The following MGAT4C variants were observed in gnomAD, a reference collection of about 807,000 sequenced individuals.
MGAT4C encodes the protein alpha-1,3-mannosyl-glycoprotein 4-beta-N-acetylglucosaminyltransferase C.
Under a neutral mutation model 40.1 loss-of-function variants are expected in MGAT4C, and 19 were observed. That is an observed-to-expected ratio of 0.47 (90% CI 0.33 to 0.70). The LOEUF (loss-of-function observed/expected upper bound fraction) is 0.70, where lower values mean the gene tolerates loss of function less well. Ranked by LOEUF, MGAT4C falls within the 30% of genes least tolerant of loss-of-function variation. The probability of loss-of-function intolerance (pLI) is 0.02; values close to 1 mark genes in which losing one functional copy is unlikely to be tolerated. For missense variants in MGAT4C, 491 were observed against 563.2 expected (o/e 0.87, Z 1.30); for synonymous variants, 181 against 187.1 (o/e 0.97, Z 0.27).
intron 2 of MGAT4C, among the ~76,000 whole-genome samples, chr12:86,454,973 A>G (rs1041015949): frequency 2.6e-5 from 4 of 152,082 alleles, no homozygotes; most frequent in African/African-American, 9.7e-5. Flanking sequence ...TAATAATGCA[A>G]AGAGGCTGGT....
rs577819842 is a variant in MGAT4C at position 86,768,712 on chromosome 12, C to T, written c.-261-41471G>A. Among the ~76,000 whole-genome samples, 10 of 152,112 alleles carry T rather than the reference C, an allele frequency of 6.6e-5. No individual in the cohort carries two copies. The South Asian group carries it at 8.3e-4, about 13-fold the overall frequency. On this transcript the variant is annotated intron_variant, in intron 1 of 7. Coordinates refer to the MGAT4C transcript ENST00000548651. Reference sequence around the variant, plus strand: ...AGAATAGAGCCCTCAGAAATAACGCCGCATATCTACAACTATCTGATCTTT... The same window carrying T: ...AGAATAGAGCCCTCAGAAATAACGCTGCATATCTACAACTATCTGATCTTT...
intron 1 of MGAT4C, among the ~76,000 whole-genome samples, chr12:86,203,973 G>A (rs376235818): frequency 1.8e-4 from 22 of 123,992 alleles, no homozygotes; most frequent in East Asian, 8.2e-4. Flanking sequence ...AAAAAAAAAA[G>A]AAATATATAT....
chr12:86,302,836 A>G (rs1234439529), intron 4 of MGAT4C, among the ~76,000 whole-genome samples: 1 of 150,682 alleles, frequency 6.6e-6, no homozygotes, highest in Non-Finnish European at 1.5e-5. Context: ...TCGACCAATG[A>G]TTTCAACAGT....
rs372994646 is a variant in MGAT4C, at chr12:86,551,377, T to C, written c.-228-116112A>G. 3.9e-5 allele frequency among the ~76,000 whole-genome samples: 6 copies of C among 151,914 alleles called. No homozygotes were observed. In the South Asian group the frequency reaches 1.2e-3, roughly 32 times the overall value. On this transcript the variant is annotated intron_variant, in intron 2 of 7. Transcript: ENST00000548651. ...GCCTTAGAAACAGCCCTGTGGACTG[T>C]TCCCAGCTGACTTATCTCCAGGCCA...
intron 2 of MGAT4C, among the ~76,000 whole-genome samples, chr12:86,444,453 T>G (rs1277133897): frequency 6.6e-6 from 1 of 152,200 alleles, no homozygotes; most frequent in Non-Finnish European, 1.5e-5. Flanking sequence ...ACTACCAAAT[T>G]TAGGTCTGCA....
intron 1 of MGAT4C, among the ~76,000 whole-genome samples, chr12:86,784,695 T>C (rs1300284342): frequency 6.7e-6 from 1 of 149,396 alleles, no homozygotes; most frequent in East Asian, 2.0e-4. Flanking sequence ...CTAGATTAGC[T>C]GGAACAAAGA....
chr12:86,040,738 CA>C (rs80109444), intron 2 of MGAT4C, among the ~76,000 whole-genome samples: 64,405 of 149,222 alleles, frequency 0.43, 14,322 homozygotes, highest in African/African-American at 0.48. Flanking sequence ...AACAAACAAA[CA>C]AAAAAAAAAC....
At chr12:86,391,172 A>T (rs1956154337) in intron 3 of MGAT4C, among the ~76,000 whole-genome samples, 1 of 152,214 alleles carries the variant, frequency 6.6e-6, no homozygotes, top group Admixed American at 6.5e-5. Flanking sequence ...CTTTTGGATG[A>T]TAGGAAAGGC....
chr12:86,259,254 T>C (rs1482573594), upstream of MGAT4C, among the ~76,000 whole-genome samples: 1 of 152,062 alleles, frequency 6.6e-6, no homozygotes, highest in African/African-American at 2.4e-5. Context: ...CAGTAATTTA[T>C]TTTCAGAATG....
At chr12:86,324,005 A>G (rs1401433614) in intron 4 of MGAT4C, among the ~76,000 whole-genome samples, 1 of 152,006 alleles carries the variant, frequency 6.6e-6, no homozygotes, top group Non-Finnish European at 1.5e-5. Flanking sequence ...GAAAACTGGA[A>G]GTAAAAATGA....
At chr12:86,786,205 G>A (rs760740028) in intron 1 of MGAT4C, among the ~76,000 whole-genome samples, 4 of 152,164 alleles carry the variant, frequency 2.6e-5, no homozygotes, top group Middle Eastern at 3.4e-3. Flanking sequence ...ATGCAATGTC[G>A]TAGATACTAT....
chr12:86,767,140 A>C (rs1207823914), intron 1 of MGAT4C, among the ~76,000 whole-genome samples: 2 of 152,312 alleles, frequency 1.3e-5, no homozygotes, highest in East Asian at 1.9e-4. Flanking sequence ...ATAAAGAAAA[A>C]AAGAAGAATC....
chr12:86,440,010 G>C (rs1051643986), intron 2 of MGAT4C, among the ~76,000 whole-genome samples: 1 of 151,776 alleles, frequency 6.6e-6, no homozygotes, highest in Non-Finnish European at 1.5e-5. Context: ...AAAAGTTCAG[G>C]GTCAGATGGC....
At chr12:86,225,316 A>G (rs1412157884) in intron 1 of MGAT4C, among the ~76,000 whole-genome samples, 2 of 152,106 alleles carry the variant, frequency 1.3e-5, no homozygotes, top group African/African-American at 4.8e-5. Context: ...TCTCCAAACA[A>G]AGAAAAGCCC....
chr12:86,217,240 T>A (rs796169827), intron 1 of MGAT4C, among the ~76,000 whole-genome samples: 39 of 152,162 alleles, frequency 2.6e-4, no homozygotes, highest in African/African-American at 8.9e-4. Context: ...AGTGGCACAA[T>A]CTCAGCTCAC....
rs559429655 is a variant in MGAT4C at position 86,396,179 on chromosome 12, G to C, written c.-120+38978C>G. ...ACGGACCTCAAACCTAGATGCATTA[G>C]CCTCATTTGGAGCATATTTTAAAAT... On this transcript the variant is annotated intron_variant, in intron 3 of 7. Transcript: ENST00000548651. 3.3e-4 allele frequency among the ~76,000 whole-genome samples: 50 copies of C among 152,048 alleles called. 1 individual carries two copies. Among genetic ancestry groups the C allele is most frequent in the Admixed American group, 3.0e-3 (46 of 15,270 alleles).
intron 2 of MGAT4C, among the ~76,000 whole-genome samples, chr12:86,614,442 C>G (rs1028192078): frequency 6.6e-6 from 1 of 152,106 alleles, no homozygotes; most frequent in African/African-American, 2.4e-5. Context: ...ATAATATATG[C>G]TTTAGGTAAT....
rs779494617 is a variant in MGAT4C at position 86,830,849 on chromosome 12, T to C, written c.-262+7817A>G. 3.9e-4 allele frequency among the ~76,000 whole-genome samples: 60 copies of C among 151,942 alleles called. 1 individual carries two copies. Among genetic ancestry groups the C allele is most frequent in the Admixed American group, 5.3e-4 (8 of 15,206 alleles). On this transcript the variant is annotated intron_variant, in intron 1 of 7. Transcript: ENST00000548651. ...GGAGCTGTGAAGGTTTTATGTGCAA[T>C]TGTAGCCCCACTCTACATTTCCAAA...
At chr12:86,612,780 C>A (rs558329634) in intron 2 of MGAT4C, among the ~76,000 whole-genome samples, 1 of 151,702 alleles carries the variant, frequency 6.6e-6, no homozygotes, top group African/African-American at 2.4e-5. Flanking sequence ...TACATACCGC[C>A]CCTGCACCAA....
Sources: allele counts gnomAD v4.1 joint callset (sites outside exome capture counted in the v4.1 genomes callset), GRCh38; gene constraint gnomAD v4.1.1; transcripts MANE v1.5; gene names NCBI Gene and HGNC (gene_info 2026-07-23, HGNC 2026-07-21).